ODAPH: variants seen among roughly 807,000 people sequenced by gnomAD.
ODAPH encodes the protein amelogenesis imperfecta type IIA4.
ODAPH carries 2 observed loss-of-function variants against 2.8 expected under a neutral mutation model. That is an observed-to-expected ratio of 0.72 (90% CI 0.30 to 2.28). The LOEUF (loss-of-function observed/expected upper bound fraction) is 2.28. ODAPH is among the 30% of genes most tolerant of loss of function. The probability of loss-of-function intolerance (pLI) is 0.13; values close to 1 mark genes in which losing one functional copy is unlikely to be tolerated. For missense variants in ODAPH, 159 were observed against 163.3 expected, an observed-to-expected ratio of 0.97 and a Z score of 0.14; for synonymous variants, 75 against 60.3, an observed-to-expected ratio of 1.24 and a Z score of -1.13.
At chr4:75,556,257 C>T (rs1004794763) in intron 1 of ODAPH, 108 bp downstream of exon 1, 2 of 1,133,712 alleles carry the variant, frequency 1.8e-6, no homozygotes, top group Non-Finnish European at 2.6e-6. Context: ...AAATATTTAC[C>T]TCAGCTTCCA....
chr4:75,556,401 C>T (rs1727340446), intron 1 of ODAPH: 1 of 730,502 alleles, frequency 1.4e-6, no homozygotes, highest in Non-Finnish European at 2.3e-6. Flanking sequence ...TGTGAAGTGA[C>T]AACATTAACA....
rs1727742808 is a variant in ODAPH, at chr4:75,564,609, T to C, written c.*170T>C. The C allele has an allele frequency of 6.9e-6, 10 of 1,447,254 alleles. No individual in the cohort carries two copies. Among genetic ancestry groups the C allele is most frequent in the African/African-American group, 2.9e-5 (2 of 70,054 alleles). 89.7% of individuals were successfully genotyped at this position (1,447,254 alleles called of 1,614,324 possible). ...GTTCTCTTTGTCAGCAGTGAAGATA[T>C]TGGATCATAGGTTATTGATGGTTGC... On this transcript the variant is annotated 3_prime_UTR_variant, in exon 2 of 2. Transcript: ENST00000311623.
At chr4:75,564,080 A>C in intron 1 of ODAPH, 34 bp from the exon 2 acceptor site, 2 of 1,603,012 alleles carry the variant, frequency 1.2e-6, no homozygotes, top group Non-Finnish European at 1.7e-6. Context: ...CTGTTACCAG[A>C]CCTGTTTCCT....
At chr4:75,558,387 T>C (rs1377685004) in intron 1 of ODAPH, among the ~76,000 whole-genome samples, 1 of 152,166 alleles carries the variant, frequency 6.6e-6, no homozygotes, top group Admixed American at 6.5e-5. Flanking sequence ...TAAGACTCCA[T>C]GCACCATGTA....
chr4:75,562,616 A>G (rs1268570239), intron 1 of ODAPH, among the ~76,000 whole-genome samples: 1 of 152,186 alleles, frequency 6.6e-6, no homozygotes, highest in African/African-American at 2.4e-5. Flanking sequence ...CTGGGATTAC[A>G]AGGGAAGTTC....
At chr4:75,558,936 T>G (rs2148841501) in intron 1 of ODAPH, among the ~76,000 whole-genome samples, 1 of 152,300 alleles carries the variant, frequency 6.6e-6, no homozygotes, top group African/African-American at 2.4e-5. Context: ...GCTTAAGTAA[T>G]CTGCCTGGCT....
rs960904548 is a variant in ODAPH, at chr4:75,564,049, C to T, written c.68-65C>T. On this transcript the variant is annotated intron_variant, in intron 1 of 1. Transcript: ENST00000311623. ...TTCCCATCTTTCTCCTCTGCCACCA[C>T]TCTAAACCACTCTTCTGCTTCTGTT... 3.4e-6 allele frequency: 5 copies of T among 1,475,086 alleles called. No homozygotes were observed. In the African/African-American group the frequency reaches 5.6e-5, roughly 16 times the overall value. The allele number at this position is 1,475,086 out of a possible 1,614,324, so 91.4% of individuals were successfully genotyped here. A position where few individuals can be genotyped will look rare whatever the true frequency, so the allele number is the denominator to read the frequency against.
At chr4:75,563,822 A>T (rs1389941118) in intron 1 of ODAPH, among the ~76,000 whole-genome samples, 1 of 152,080 alleles carries the variant, frequency 6.6e-6, no homozygotes, top group African/African-American at 2.4e-5. Flanking sequence ...GTTGATGGAC[A>T]CTTAGATTGT....
At chr4:75,558,548 T>A (rs1578292899) in intron 1 of ODAPH, among the ~76,000 whole-genome samples, 2 of 152,328 alleles carry the variant, frequency 1.3e-5, no homozygotes, top group East Asian at 3.9e-4. Flanking sequence ...TTACCTTTTT[T>A]TAAAAAAGTA....
chr4:75,564,175 C>A lies in ODAPH; in HGVS notation c.129C>A (p.Cys43Ter), dbSNP rs1560562738. The A allele has an allele frequency of 6.2e-7, 1 of 1,614,200 alleles. No homozygotes were observed. The change falls in exon 2 of 2, where the codon TGC (cysteine) becomes TGA (stop). Residue 43 changes from cysteine (C) to a stop codon, truncating the protein, a stop_gained. Transcript: ENST00000311623. LOFTEE classifies it low-confidence loss of function (END_TRUNC). Reference sequence around the variant, plus strand: ...AAAATAATGCGGACGCTACCGACTGCCAGATCTTTACACTCACCCCTCCAC... The same window carrying A: ...AAAATAATGCGGACGCTACCGACTGACAGATCTTTACACTCACCCCTCCAC... ...DSQNNADATD[C>*]QIFTLTPPPA...
chr4:75,562,317 T>C (rs142339893), intron 1 of ODAPH, among the ~76,000 whole-genome samples: 39 of 151,326 alleles, frequency 2.6e-4, no homozygotes, highest in Middle Eastern at 6.9e-3. Flanking sequence ...GCCTCAGCAC[T>C]CTCAACTTCC....
rs533141969 is a variant in ODAPH, at chr4:75,561,151, G to A, written c.68-2963G>A. On this transcript the variant is annotated intron_variant, in intron 1 of 1. Transcript: ENST00000311623. Reference sequence around the variant, plus strand: ...AGGCAGGAGAATGGCGTGAACCCGGGAGGCGGAGCTTGCAGTGAGCCGAGA... The same window carrying A: ...AGGCAGGAGAATGGCGTGAACCCGGAAGGCGGAGCTTGCAGTGAGCCGAGA... 2.0e-5 allele frequency among the ~76,000 whole-genome samples: 3 copies of A among 150,896 alleles called. No homozygotes were observed. In the South Asian group the frequency reaches 6.3e-4, roughly 32 times the overall value.
At chr4:75,557,552 T>G (rs896830991) in intron 1 of ODAPH, among the ~76,000 whole-genome samples, 1 of 152,106 alleles carries the variant, frequency 6.6e-6, no homozygotes, top group Non-Finnish European at 1.5e-5. Flanking sequence ...GGCAGGAGAA[T>G]CGCTTGAACC....
chr4:75,556,197 T>G, intron 1 of ODAPH, 48 bp downstream of exon 1: 1 of 1,572,860 alleles, frequency 6.4e-7, no homozygotes, highest in Non-Finnish European at 8.7e-7. Flanking sequence ...ATTAATAAGT[T>G]GTAGGAAAAG....
intron 1 of ODAPH, among the ~76,000 whole-genome samples, chr4:75,562,070 G>A (rs1482005022): frequency 6.6e-6 from 1 of 152,144 alleles, no homozygotes; most frequent in Non-Finnish European, 1.5e-5. Flanking sequence ...ATTCTTAAGT[G>A]AGAATCTGAT....
chr4:75,556,480 A>C, intron 1 of ODAPH: 1 of 1,412,604 alleles, frequency 7.1e-7, no homozygotes, highest in East Asian at 2.5e-5. Flanking sequence ...TCAAGCTAAA[A>C]ACACTGTACA....
chr4:75,561,216 T>A (rs1474180246), intron 1 of ODAPH, among the ~76,000 whole-genome samples: 3 of 78,420 alleles, frequency 3.8e-5, no homozygotes, highest in African/African-American at 5.8e-5. Flanking sequence ...AGAGCGAAAC[T>A]CAATCTCAAA....
At chr4:75,560,029 A>G (rs995720690) in intron 1 of ODAPH, among the ~76,000 whole-genome samples, 15 of 152,228 alleles carry the variant, frequency 9.9e-5, no homozygotes, top group African/African-American at 3.6e-4. Context: ...AACAGGAGTT[A>G]GCCAGGCAAA....
At chr4:75,558,722 C>A (rs574742666) in intron 1 of ODAPH, among the ~76,000 whole-genome samples, 1 of 152,132 alleles carries the variant, frequency 6.6e-6, no homozygotes, top group Non-Finnish European at 1.5e-5. Context: ...GAGACAGGGT[C>A]TCCCTCTGTC....
Sources: allele counts gnomAD v4.1 joint callset (sites outside exome capture counted in the v4.1 genomes callset), GRCh38; gene constraint gnomAD v4.1.1; transcripts MANE v1.5; gene names NCBI Gene and HGNC (gene_info 2026-07-23, HGNC 2026-07-21).